TRAF3IP2: variants seen among roughly 807,000 people sequenced by gnomAD.
TRAF3IP2 encodes TRAF3 interacting protein 2.
TRAF3IP2 carries 35 observed loss-of-function variants against 57.9 expected under a neutral mutation model. That is an observed-to-expected ratio of 0.60 (90% confidence interval 0.46 to 0.80). The LOEUF (loss-of-function observed/expected upper bound fraction) is 0.80, where lower values mean the gene tolerates loss of function less well. TRAF3IP2 is among the 30% of genes least tolerant of loss of function. The probability of loss-of-function intolerance (pLI) is 0.00; values close to 1 mark genes in which losing one functional copy is unlikely to be tolerated. For synonymous variants in TRAF3IP2, 251 were observed against 268.9 expected, an observed-to-expected ratio of 0.93 and a Z score of 0.65; for missense variants, 556 against 706.4, an observed-to-expected ratio of 0.79 and a Z score of 2.41.
chr6:111,564,002 G>A (rs1049959069), intron 7 of TRAF3IP2, among the ~76,000 whole-genome samples: 1 of 152,184 alleles, frequency 6.6e-6, no homozygotes, highest in African/African-American at 2.4e-5. Context: ...GAGGAATTAT[G>A]TGTTTCCAAC....
At chr6:111,565,964 G>A (rs566888834) in intron 7 of TRAF3IP2, among the ~76,000 whole-genome samples, 158 of 152,228 alleles carry the variant, frequency 1.0e-3, no homozygotes, top group Non-Finnish European at 1.6e-3. Context: ...GTGGGGCCAC[G>A]GTCACACAGC....
intron 7 of TRAF3IP2, among the ~76,000 whole-genome samples, chr6:111,564,622 G>A (rs146619880): frequency 2.4e-4 from 37 of 152,332 alleles, no homozygotes; most frequent in Middle Eastern, 6.8e-3. Context: ...CAGGAAGTCA[G>A]CCAGGCAGTC....
At chr6:111,602,849 G>A (rs554797572) in intron 1 of TRAF3IP2, among the ~76,000 whole-genome samples, 1 of 152,296 alleles carries the variant, frequency 6.6e-6, no homozygotes, top group East Asian at 1.9e-4. Context: ...GAGCTGCCAA[G>A]ACCCCAGGCA....
chr6:111,580,531 C>T (rs780062925), intron 2 of TRAF3IP2, 142 bp from the exon 3 acceptor site: 4 of 609,310 alleles, frequency 6.6e-6, no homozygotes, highest in African/African-American at 5.7e-5. Context: ...TGATGTTTGC[C>T]GTATTTCTCT....
In TRAF3IP2 at chr6:111,562,986, C is replaced by G. The variant is rs764540285; in HGVS notation, c.1530G>C (p.Val510=). ...TTACCTTCTTAGCATTTGGGAAGAG[C>G]ACAGGGATGAATCTGAAATTCATGC... The part of the protein sequence containing the change: ...QGSMNFRFIP[V]LFPNAKKEHV... The change falls in exon 8 of 9, where the codon GTG becomes GTC. Residue 510 remains valine, a synonymous_variant. Transcript: ENST00000368761. The G allele has an allele frequency of 6.2e-7, 1 of 1,612,634 alleles. No individual in the cohort carries two copies. Among genetic ancestry groups the G allele is most frequent in the South Asian group, 1.1e-5 (1 of 90,988 alleles).
chr6:111,574,478 G>A (rs566344051), intron 4 of TRAF3IP2: 1 of 152,196 alleles, frequency 6.6e-6, no homozygotes, highest in Non-Finnish European at 1.5e-5. Context: ...TTCTGGTTCT[G>A]GCAGCAAAAT....
rs185759316 is a variant in TRAF3IP2 at position 111,592,578 on chromosome 6, C to G, written c.-8-484G>C. The stretch of plus-strand genomic sequence containing the variant: ...AAAAACGAGAGGAGAATGTGTGTTT[C>G]TGTGTGCATATCTGCTTGTATATGT... On this transcript the variant is annotated intron_variant, in intron 1 of 8. Coordinates refer to ENST00000368761, the MANE Select transcript of TRAF3IP2 (RefSeq NM_147686.4). 7.6e-4 allele frequency among the ~76,000 whole-genome samples: 116 copies of G among 152,188 alleles called. 1 individual carries two copies. Among genetic ancestry groups the G allele is most frequent in the South Asian group, 2.1e-3 (10 of 4,822 alleles).
chr6:111,596,706 G>A (rs1167948854), intron 1 of TRAF3IP2, among the ~76,000 whole-genome samples: 5 of 152,194 alleles, frequency 3.3e-5, no homozygotes, highest in Non-Finnish European at 5.9e-5. Flanking sequence ...CGCCCGCTTC[G>A]GCCTCCCAAA....
intron 1 of TRAF3IP2, among the ~76,000 whole-genome samples, chr6:111,592,609 C>T (rs1247582762): frequency 6.6e-6 from 1 of 151,994 alleles, no homozygotes; most frequent in Non-Finnish European, 1.5e-5. Flanking sequence ...TATGTATAAA[C>T]CGTGTGGAGG....
At chr6:111,581,192 T>C (rs1252772628) in intron 2 of TRAF3IP2, among the ~76,000 whole-genome samples, 1 of 152,066 alleles carries the variant, frequency 6.6e-6, no homozygotes, top group Admixed American at 6.6e-5. Flanking sequence ...CGCAAAAGAA[T>C]AGAACTAAAA....
At chr6:111,590,288 TAGA>T (rs1158950834) in intron 2 of TRAF3IP2, among the ~76,000 whole-genome samples, 6 of 152,296 alleles carry the variant, frequency 3.9e-5, no homozygotes, top group African/African-American at 1.2e-4. Context: ...ACTTGCAGTC[TAGA>T]AGGAGAGGAG....
intron 1 of TRAF3IP2, among the ~76,000 whole-genome samples, chr6:111,596,985 T>G (rs922257934): frequency 1.3e-5 from 2 of 152,174 alleles, no homozygotes; most frequent in Non-Finnish European, 2.9e-5. Flanking sequence ...TCAATAAAGA[T>G]TCACTGAATG....
Position 111,603,047 on chromosome 6 carries a change from CCTGGTATCCGGGAAGG to C in TRAF3IP2, c.-9+2713_-9+2728del, listed in dbSNP as rs1216066071. On this transcript the variant is annotated intron_variant, in intron 1 of 8. Transcript: ENST00000368761. ...ACCCTTCTTCAGCCAGTCTACAACT[CCTGGTATCCGGGAAGG>C]TCTGTGCACACACAAGGTGTGCACA... Among the ~76,000 whole-genome samples the C allele has an allele frequency of 6.6e-5, 10 of 152,062 alleles. No homozygotes were observed. In the East Asian group the frequency reaches 1.7e-3, roughly 27 times the overall value.
chr6:111,591,975 T>G lies in TRAF3IP2; in HGVS notation c.112A>C (p.Asn38His). The change falls in exon 2 of 9, where the codon AAT (asparagine) becomes CAT (histidine). Residue 38 changes from asparagine to histidine, a missense_variant. Asn to His is a moderately conservative substitution (Grantham distance 68). This residue lies in a region of TRAF3IP2 where 428 missense variants were observed against 498.7 expected (regional missense o/e 0.86). Transcript: ENST00000368761. The surrounding 1 kb of genome is among the most constrained non-coding windows in gnomAD (Gnocchi z 4.9). ...PEEESEPPAP[N>H]IRNMAPNSLS... The stretch of plus-strand genomic sequence containing the variant: ...CTGTTGGGTGCCATGTTCCTTATAT[T>G]TGGAGCAGGTGGTTCTGATTCCTCT... The G allele has an allele frequency of 1.2e-6, 2 of 1,614,216 alleles. No individual in the cohort carries two copies. Among genetic ancestry groups the G allele is most frequent in the East Asian group, 2.2e-5 (1 of 44,870 alleles).
intron 2 of TRAF3IP2, among the ~76,000 whole-genome samples, chr6:111,588,546 T>G (rs1377939480): frequency 5.3e-5 from 8 of 152,220 alleles, no homozygotes; most frequent in Admixed American, 5.2e-4. Context: ...TTCCAGAAGG[T>G]CCTGGGACCT....
At chr6:111,563,447 A>T (rs1399829092) in intron 7 of TRAF3IP2, among the ~76,000 whole-genome samples, 3 of 152,216 alleles carry the variant, frequency 2.0e-5, no homozygotes, top group African/African-American at 7.2e-5. Context: ...CAGGAGAGCC[A>T]GCTTAGCAGA....
At chr6:111,568,708 C>T (rs1011975907) in intron 5 of TRAF3IP2, among the ~76,000 whole-genome samples, 2 of 152,142 alleles carry the variant, frequency 1.3e-5, no homozygotes, top group South Asian at 4.1e-4. Context: ...CTTGAAAAGC[C>T]ATCCATGATC....
chr6:111,589,579 C>G (rs1796445351), intron 2 of TRAF3IP2, among the ~76,000 whole-genome samples: 1 of 152,154 alleles, frequency 6.6e-6, no homozygotes, highest in African/African-American at 2.4e-5. Flanking sequence ...CCATGCACTC[C>G]CACTCTGTTG....
rs569493135 is a variant in TRAF3IP2 at position 111,558,608 on chromosome 6, T to C, written c.*797A>G. 1.3e-5 allele frequency: 2 copies of C among 152,330 alleles called. No homozygotes were observed. Among genetic ancestry groups the C allele is most frequent in the East Asian group, 3.9e-4 (2 of 5,182 alleles). 9.4% of individuals were successfully genotyped at this position (152,330 alleles called of 1,614,324 possible). A position where few individuals can be genotyped will look rare whatever the true frequency, so the allele number is the denominator to read the frequency against. ...CCACCATGCCCGGCTAACTTTTTTG[T>C]AATTTTAGCAGAGATGGGGTTTCAC... On this transcript the variant is annotated 3_prime_UTR_variant, in exon 9 of 9. Coordinates refer to ENST00000368761, the MANE Select transcript of TRAF3IP2 (RefSeq NM_147686.4).
Sources: gnomAD v4.1 joint callset for allele counts (sites outside exome capture counted in the v4.1 genomes callset) on GRCh38, gnomAD v4.1.1 for gene constraint, gnomAD v4.1.1 regional missense constraint, Gnocchi (gnomAD v3.1) non-coding constraint, MANE v1.5 for transcripts, NCBI Gene and HGNC (gene_info 2026-07-23, HGNC 2026-07-21) for gene names.